The following SLC17A6 variants were observed in gnomAD, a reference collection of about 807,000 sequenced individuals.
The protein encoded by SLC17A6 is vesicular glutamate transporter 2.
Under a neutral mutation model 67.1 loss-of-function variants are expected in SLC17A6, and 35 were observed. That is an observed-to-expected ratio of 0.52 (90% CI 0.40 to 0.69). The LOEUF (loss-of-function observed/expected upper bound fraction) is 0.69, where lower values mean the gene tolerates loss of function less well. Among genes scored for constraint, SLC17A6 ranks in the 30% least tolerant of loss-of-function variants. SLC17A6 has a pLI of 0.00. For synonymous variants in SLC17A6, 285 were observed against 252.3 expected (o/e 1.13, Z -1.23); for missense variants, 588 against 723.9 (o/e 0.81, Z 2.15).
At chr11:22,349,290 G>T (rs2133862753) in intron 3 of SLC17A6, among the ~76,000 whole-genome samples, 1 of 152,236 alleles carries the variant, frequency 6.6e-6, no homozygotes, top group Middle Eastern at 3.4e-3. Context: ...GTCTTTTAAG[G>T]CCAGAGGTGA....
At chr11:22,348,915 G>A (rs951773067) in intron 3 of SLC17A6, among the ~76,000 whole-genome samples, 5 of 152,164 alleles carry the variant, frequency 3.3e-5, no homozygotes, top group Non-Finnish European at 1.5e-5. Flanking sequence ...CCAGAAAGGA[G>A]CAATTTTACT....
intron 3 of SLC17A6, among the ~76,000 whole-genome samples, chr11:22,355,309 G>A (rs934095609): frequency 1.3e-5 from 2 of 152,088 alleles, no homozygotes; most frequent in African/African-American, 2.4e-5. Context: ...GTTAAACAAC[G>A]TACTAGTTAC....
rs1855762009 is a variant in SLC17A6 at position 22,338,530 on chromosome 11, A to C, written c.-4A>C. 6.2e-7 allele frequency: 1 copy of C among 1,608,678 alleles called. No individual in the cohort carries two copies. Among genetic ancestry groups the C allele is most frequent in the Non-Finnish European group, 8.5e-7 (1 of 1,175,368 alleles). On this transcript the variant is annotated 5_prime_UTR_variant, in exon 1 of 12. Coordinates refer to ENST00000263160, the MANE Select transcript of SLC17A6 (RefSeq NM_020346.3). The stretch of plus-strand genomic sequence containing the variant: ...GGCAAGAACTGACAACAGTCTTTGC[A>C]AGAATGGAATCCGTAAAACAAAGGA...
At chr11:22,360,528 C>CA (rs1856041175) in intron 4 of SLC17A6, among the ~76,000 whole-genome samples, 1 of 86,356 alleles carries the variant, frequency 1.2e-5, no homozygotes, top group Admixed American at 1.0e-4. Flanking sequence ...GCTCTCCTTC[C>CA]CCCCCCCCCA....
intron 3 of SLC17A6, among the ~76,000 whole-genome samples, chr11:22,357,132 C>T (rs1355096619): frequency 1.3e-5 from 2 of 152,170 alleles, no homozygotes; most frequent in African/African-American, 4.8e-5. Context: ...GTTTCCTCTA[C>T]TTAAAACTGG....
chr11:22,375,545 A>T (rs1267629082), intron 9 of SLC17A6, among the ~76,000 whole-genome samples: 1 of 151,304 alleles, frequency 6.6e-6, no homozygotes, highest in Non-Finnish European at 1.5e-5. Context: ...CGATGGCATG[A>T]TCTCGGCTCA....
chr11:22,338,426 G>A lies in SLC17A6; in HGVS notation c.-108G>A, dbSNP rs368166349. 5.2e-6 allele frequency: 4 copies of A among 769,376 alleles called. No individual in the cohort carries two copies. In the East Asian group the frequency reaches 7.7e-5, roughly 15 times the overall value. The allele number at this position is 769,376 out of a possible 1,614,324, so 47.7% of individuals were successfully genotyped here. On this transcript the variant is annotated 5_prime_UTR_variant, in exon 1 of 12. Coordinates refer to ENST00000263160, the MANE Select transcript of SLC17A6 (RefSeq NM_020346.3). ...CGAGCCACTACCATTCTGCTGAGAA[G>A]GAAAAGCCCGCAACTACTTTAAGAG...
At chr11:22,341,853 A>T (rs1855819800) in intron 2 of SLC17A6, 73 bp downstream of exon 2, 1 of 1,534,272 alleles carries the variant, frequency 6.5e-7, no homozygotes, top group African/African-American at 1.4e-5. Context: ...CTCCTGTTTG[A>T]GCCCCGTTCC....
intron 3 of SLC17A6, among the ~76,000 whole-genome samples, chr11:22,351,870 T>C (rs931079166): frequency 6.6e-6 from 1 of 152,132 alleles, no homozygotes; most frequent in Admixed American, 6.6e-5. Flanking sequence ...AAGTTAAGAG[T>C]AATCCTAGGG....
At chr11:22,350,375 T>C (rs183707339) in intron 3 of SLC17A6, among the ~76,000 whole-genome samples, 2 of 152,132 alleles carry the variant, frequency 1.3e-5, no homozygotes, top group East Asian at 1.9e-4. Context: ...GTGTGACAAG[T>C]AGAAGAAAAG....
rs1330349922 is a variant in SLC17A6 at position 22,340,746 on chromosome 11, C to T, written c.87-782C>T. 2.6e-5 allele frequency among the ~76,000 whole-genome samples: 4 copies of T among 151,956 alleles called. No individual in the cohort carries two copies. The East Asian group carries it at 7.7e-4, about 29-fold the overall frequency. The stretch of plus-strand genomic sequence containing the variant: ...CCATATGCTGTGGAGCCCTTTGTCT[C>T]CAACTCGAGTAATAAGAAAAAAAAA... On this transcript the variant is annotated intron_variant, in intron 1 of 11. Coordinates refer to ENST00000263160, the MANE Select transcript of SLC17A6 (RefSeq NM_020346.3).
chr11:22,338,480 T>C lies in SLC17A6; in HGVS notation c.-54T>C. Reference sequence around the variant, plus strand: ...AAGACAATATGCGCAATCCTCGCCTTTCCTAGCAATCACTATTTAAATCTG... The same window carrying C: ...AAGACAATATGCGCAATCCTCGCCTCTCCTAGCAATCACTATTTAAATCTG... On this transcript the variant is annotated 5_prime_UTR_variant, in exon 1 of 12. Coordinates refer to ENST00000263160, the MANE Select transcript of SLC17A6 (RefSeq NM_020346.3). 2 of 1,310,590 alleles carry C rather than the reference T, an allele frequency of 1.5e-6. No individual in the cohort carries two copies. The highest frequency in any genetic ancestry group is 3.5e-5 in the Admixed American group (2 of 57,610). 81.2% of individuals were successfully genotyped at this position (1,310,590 alleles called of 1,614,324 possible).
rs923504136 is a variant in SLC17A6, at chr11:22,365,793, A to G, written c.891+104A>G. On this transcript the variant is annotated intron_variant, in intron 7 of 11. Transcript: ENST00000263160. Reference sequence around the variant, plus strand: ...TCTTCCTCAGCAAAACTAATTTGGTATCAATCATAACTTCTTTTATTTTGG... The same window carrying G: ...TCTTCCTCAGCAAAACTAATTTGGTGTCAATCATAACTTCTTTTATTTTGG... The G allele has an allele frequency of 1.9e-5, 23 of 1,237,980 alleles. No individual in the cohort carries two copies. The East Asian group carries it at 5.6e-4, about 30-fold the overall frequency. 76.7% of individuals were successfully genotyped at this position (1,237,980 alleles called of 1,614,324 possible). A position where few individuals can be genotyped will look rare whatever the true frequency, so the allele number is the denominator to read the frequency against.
chr11:22,377,447 G>A lies in SLC17A6; in HGVS notation c.1456G>A (p.Val486Ile). The A allele has an allele frequency of 6.2e-7, 1 of 1,613,780 alleles. No individual in the cohort carries two copies. Among genetic ancestry groups the A allele is most frequent in the Non-Finnish European group, 8.5e-7 (1 of 1,179,716 alleles). Residue 486 changes from valine (V) to isoleucine (I), a missense_variant, in exon 12 of 12, where the codon GTC becomes ATC. Around this residue, in one of 4 missense-constraint regions of SLC17A6, gnomAD observed 414 missense variants for 563.4 expected, o/e 0.73. Transcript: ENST00000263160. The stretch of plus-strand genomic sequence containing the variant: ...GTATGTCTTCCTGATCGCTGCCCTA[G>A]TCCACTATGGTGGAGTTATATTTTA... ...WQYVFLIAAL[V>I]HYGGVIFYAI...
chr11:22,371,498 A>G (rs1856174789), intron 8 of SLC17A6, among the ~76,000 whole-genome samples: 1 of 151,512 alleles, frequency 6.6e-6, no homozygotes, highest in African/African-American at 2.4e-5. Flanking sequence ...GCCTTTGGGA[A>G]CTCTGAGAGG....
At chr11:22,362,964 G>A in intron 6 of SLC17A6, 139 bp downstream of exon 6, 1 of 654,018 alleles carries the variant, frequency 1.5e-6, no homozygotes, top group Non-Finnish European at 2.6e-6. Flanking sequence ...TCCTTCCATT[G>A]TATTCTGAGA....
chr11:22,347,137 T>G (rs1024567160), intron 3 of SLC17A6, among the ~76,000 whole-genome samples: 7 of 152,168 alleles, frequency 4.6e-5, no homozygotes, highest in African/African-American at 1.4e-4. Flanking sequence ...TTGCCCATGT[T>G]GTTGTTTTTT....
chr11:22,345,044 A>G (rs2133859878), intron 3 of SLC17A6, among the ~76,000 whole-genome samples: 2 of 152,304 alleles, frequency 1.3e-5, no homozygotes, highest in South Asian at 4.1e-4. Context: ...ATGTCAAATG[A>G]AAATATAATG....
chr11:22,341,886 G>C, intron 2 of SLC17A6, 106 bp downstream of exon 2: 1 of 1,491,254 alleles, frequency 6.7e-7, no homozygotes, highest in Non-Finnish European at 9.0e-7. Flanking sequence ...AGGAAGGTTT[G>C]GGTGCTCCCT....
Sources: allele counts gnomAD v4.1 joint callset (sites outside exome capture counted in the v4.1 genomes callset), GRCh38; gene constraint gnomAD v4.1.1; regional missense constraint gnomAD v4.1.1; transcripts MANE v1.5; gene names NCBI Gene and HGNC (gene_info 2026-07-23, HGNC 2026-07-21).